FGFR2: variants seen among roughly 807,000 people sequenced by gnomAD.
FGFR2 encodes the protein BEK fibroblast growth factor receptor.
In FGFR2, 19 loss-of-function variants were observed where a neutral mutation model predicts 95.9. That is an observed-to-expected ratio of 0.20 (90% CI 0.14 to 0.29). The LOEUF is 0.29. FGFR2 is among the 10% of genes least tolerant of loss of function. The probability of loss-of-function intolerance (pLI) is 1.00; values close to 1 mark genes in which losing one functional copy is unlikely to be tolerated. For missense variants in FGFR2, 707 were observed against 1,056.9 expected, an observed-to-expected ratio of 0.67 and a Z score of 4.59; for synonymous variants, 392 against 393.3, an observed-to-expected ratio of 1.00 and a Z score of 0.04.
At chr10:121,552,582 C>A (rs1028651870) in intron 4 of FGFR2, among the ~76,000 whole-genome samples, 1 of 152,202 alleles carries the variant, frequency 6.6e-6, no homozygotes, top group Non-Finnish European at 1.5e-5. Flanking sequence ...ACCCTACTCT[C>A]CACTGCTAAG....
intron 10 of FGFR2, among the ~76,000 whole-genome samples, chr10:121,502,906 A>C (rs945701918): frequency 1.3e-4 from 20 of 152,118 alleles, no homozygotes; most frequent in African/African-American, 4.8e-4. Context: ...CTAGGAGCTC[A>C]AATTCTGCCC....
rs753074988 is a variant in FGFR2, at chr10:121,500,811, C to T, written c.1561+15G>A. Reference sequence around the variant, plus strand: ...CCACCCAGCCCCTCCCCGAGCCTCCCGCCTCCCCGCTCACCTTTCAACATC... The same window carrying T: ...CCACCCAGCCCCTCCCCGAGCCTCCTGCCTCCCCGCTCACCTTTCAACATC... On this transcript the variant is annotated intron_variant, in intron 11 of 17. Coordinates refer to ENST00000358487, the MANE Select transcript of FGFR2 (RefSeq NM_000141.5). 15 of 1,613,568 alleles carry T rather than the reference C, an allele frequency of 9.3e-6. No homozygotes were observed. Among genetic ancestry groups the T allele is most frequent in the Admixed American group, 1.7e-5 (1 of 60,026 alleles).
chr10:121,544,760 A>AC (rs1214733581), intron 5 of FGFR2, among the ~76,000 whole-genome samples: 3 of 152,204 alleles, frequency 2.0e-5, no homozygotes, highest in Non-Finnish European at 1.5e-5. Flanking sequence ...GTTGCACAAC[A>AC]CCATGAATGT....
At chr10:121,481,413 CACACACACAA>C (rs1844665554) in intron 17 of FGFR2, among the ~76,000 whole-genome samples, 2 of 114,456 alleles carry the variant, frequency 1.7e-5, no homozygotes, top group South Asian at 5.4e-4. Context: ...CACACACACA[CACACACACAA>C]AACCCTCTAA....
chr10:121,486,842 G>A (rs1004985005), intron 15 of FGFR2, among the ~76,000 whole-genome samples: 4 of 152,172 alleles, frequency 2.6e-5, no homozygotes, highest in African/African-American at 7.2e-5. Flanking sequence ...TTTCTAGAAT[G>A]CTATCAAGGA....
At chr10:121,569,512 G>GC (rs1299441994) in intron 2 of FGFR2, among the ~76,000 whole-genome samples, 2 of 152,138 alleles carry the variant, frequency 1.3e-5, no homozygotes, top group African/African-American at 4.8e-5. Context: ...GAGCCACTGC[G>GC]CCCAGCCAGA....
In FGFR2 at chr10:121,501,195, G is replaced by A. The variant is rs41295621; in HGVS notation, c.1440-248C>T. The stretch of plus-strand genomic sequence containing the variant: ...GTATTCTCGGTTTATTTTCTTTAGG[G>A]AAGGTATCCTTGCTAGTGCGGTGGT... On this transcript the variant is annotated intron_variant, in intron 10 of 17. Transcript: ENST00000358487. 0.011 allele frequency among the ~76,000 whole-genome samples: 1,676 copies of A among 152,318 alleles called. 27 individuals carry two copies. The highest frequency in any genetic ancestry group is 0.039 in the African/African-American group (1,607 of 41,568).
In FGFR2 at chr10:121,518,486, C is replaced by T. The variant is rs145253055; in HGVS notation, c.940-1023G>A. Among the ~76,000 whole-genome samples, 1 of 152,248 alleles carries T rather than the reference C, an allele frequency of 6.6e-6. No individual in the cohort carries two copies. Among genetic ancestry groups the T allele is most frequent in the Non-Finnish European group, 1.5e-5 (1 of 68,010 alleles). ...TCTCTAGAAGAAATTGGAGCAAGCA[C>T]TTTGAACGTTGTGGGCATTTTTCCA... On this transcript the variant is annotated intron_variant, in intron 7 of 17. Transcript: ENST00000358487. This position sits in a 1 kb window ranked among gnomAD's most constrained non-coding sequence, Gnocchi z 4.0.
intron 5 of FGFR2, among the ~76,000 whole-genome samples, chr10:121,542,198 C>T (rs1853868280): frequency 6.6e-6 from 1 of 151,944 alleles, no homozygotes; most frequent in African/African-American, 2.4e-5. Flanking sequence ...AAAAAGCAGA[C>T]ACATTTACCA....
At chr10:121,508,582 T>C (rs902764824) in intron 9 of FGFR2, among the ~76,000 whole-genome samples, 1 of 152,136 alleles carries the variant, frequency 6.6e-6, no homozygotes, top group African/African-American at 2.4e-5. Flanking sequence ...GCTTTTCAAA[T>C]GGAAAGCCTA....
At chr10:121,525,647 G>GAGAGAGAGAGA (rs1564929147) in intron 6 of FGFR2, among the ~76,000 whole-genome samples, 1 of 136,986 alleles carries the variant, frequency 7.3e-6, no homozygotes, top group African/African-American at 2.6e-5. Flanking sequence ...GAGAGAGAGA[G>GAGAGAGAGAGA]GAAAAAAATA....
intron 17 of FGFR2, chr10:121,481,983 G>A (rs1381243075): frequency 2.2e-5 from 10 of 461,422 alleles, no homozygotes; most frequent in African/African-American, 4.0e-5. Context: ...GATTACAGGT[G>A]CACACCAACA....
intron 5 of FGFR2, among the ~76,000 whole-genome samples, chr10:121,545,171 G>T (rs1045917354): frequency 1.3e-5 from 2 of 152,136 alleles, no homozygotes; most frequent in African/African-American, 4.8e-5. Context: ...AACCCACAGA[G>T]GTCTTGGAAG....
At chr10:121,568,626 A>G (rs1858067178) in intron 2 of FGFR2, among the ~76,000 whole-genome samples, 1 of 152,148 alleles carries the variant, frequency 6.6e-6, no homozygotes, top group Admixed American at 6.5e-5. Flanking sequence ...TTAGGGGGAA[A>G]AAAAGAAAAA....
At chr10:121,493,334 GTTC>G (rs1320176036) in intron 13 of FGFR2, among the ~76,000 whole-genome samples, 1 of 152,174 alleles carries the variant, frequency 6.6e-6, no homozygotes, top group African/African-American at 2.4e-5. Flanking sequence ...GCTTAGCAAA[GTTC>G]GTCTCTTAGT....
In FGFR2 at chr10:121,518,886, C is replaced by T. The variant is rs190298281; in HGVS notation, c.939+1093G>A. On this transcript the variant is annotated intron_variant, in intron 7 of 17. Coordinates refer to ENST00000358487, the MANE Select transcript of FGFR2 (RefSeq NM_000141.5). This position sits in a 1 kb window ranked among gnomAD's most constrained non-coding sequence, Gnocchi z 4.0. ...CCAACCAGGAAGGTCTTAGCATTGT[C>T]TATGGTCCCACCACCAACACACCGC... 4.8e-4 allele frequency: 771 copies of T among 1,606,192 alleles called. 4 individuals carry two copies. In the African/African-American group the frequency reaches 9.7e-3, roughly 20 times the overall value.
intron 4 of FGFR2, among the ~76,000 whole-genome samples, chr10:121,560,472 G>A (rs560385045): frequency 6.6e-5 from 10 of 151,892 alleles, no homozygotes; most frequent in Middle Eastern, 3.4e-3. Flanking sequence ...AAAATTAGCC[G>A]GGTGTGGTGG....
In FGFR2 at chr10:121,517,173, C is replaced by A. The variant is rs1426046245; in HGVS notation, c.1084+146G>T. ...GTGTGTGAATTTCCAAGGCAGTTTT[C>A]TTATCCCTGAGGGATCATTTTTAAC... is the stretch of plus-strand genomic sequence containing the variant. On this transcript the variant is annotated intron_variant, in intron 8 of 17. Coordinates refer to ENST00000358487, the MANE Select transcript of FGFR2 (RefSeq NM_000141.5). The surrounding 1 kb of genome is among the most constrained non-coding windows in gnomAD (Gnocchi z 4.7). The A allele has an allele frequency of 1.1e-6, 1 of 893,390 alleles. No individual in the cohort carries two copies. Among genetic ancestry groups the A allele is most frequent in the Non-Finnish European group, 1.8e-6 (1 of 560,620 alleles). The allele number at this position is 893,390 out of a possible 1,614,324, so 55.3% of individuals were successfully genotyped here.
intron 4 of FGFR2, among the ~76,000 whole-genome samples, chr10:121,551,869 T>C (rs893836417): frequency 1.3e-5 from 2 of 152,152 alleles, no homozygotes; most frequent in Non-Finnish European, 1.5e-5. Flanking sequence ...ATATACACAC[T>C]AGTAAAAGCA....
Sources: allele counts gnomAD v4.1 joint callset (sites outside exome capture counted in the v4.1 genomes callset), GRCh38; gene constraint gnomAD v4.1.1; non-coding constraint Gnocchi (gnomAD v3.1); transcripts MANE v1.5; gene names NCBI Gene and HGNC (gene_info 2026-07-23, HGNC 2026-07-21).